UVRAG: variants seen among roughly 807,000 people sequenced by gnomAD.
UVRAG encodes the protein UV radiation resistance-associated gene protein.
A neutral mutation model predicts 78.0 loss-of-function variants in UVRAG; 19 were observed. That is an observed-to-expected ratio of 0.24 (90% confidence interval 0.17 to 0.36). The LOEUF (loss-of-function observed/expected upper bound fraction) is 0.36. Ranked by LOEUF, UVRAG falls within the 10% of genes least tolerant of loss-of-function variation. The probability of loss-of-function intolerance (pLI) is 1.00; values close to 1 mark genes in which losing one functional copy is unlikely to be tolerated. For missense variants in UVRAG, 740 were observed against 853.8 expected (o/e 0.87, Z 1.66); for synonymous variants, 323 against 324.6 (o/e 1.00, Z 0.05).
rs1043169666 is a variant in UVRAG, at chr11:75,840,139, C to CT, written c.118-11735dup. On this transcript the variant is annotated intron_variant, in intron 1 of 14. Transcript: ENST00000356136. Reference sequence around the variant, plus strand: ...GTGTTTCTTCATTGGTCTTATATTTCTTTTTTTTTAAATTTTGATCTTATG... The same window carrying CT: ...GTGTTTCTTCATTGGTCTTATATTTCTTTTTTTTTTAAATTTTGATCTTATG... Among the ~76,000 whole-genome samples, 9 of 151,074 alleles carry CT rather than the reference C, an allele frequency of 6.0e-5. No homozygotes were observed. The South Asian group carries it at 8.4e-4, about 14-fold the overall frequency.
In UVRAG at chr11:76,096,911, C is replaced by T. The variant is rs76637628; in HGVS notation, c.1306-19013C>T. Among the ~76,000 whole-genome samples, 273 of 152,294 alleles carry T rather than the reference C, an allele frequency of 1.8e-3. 8 individuals carry two copies. In the East Asian group the frequency reaches 0.05, roughly 28 times the overall value. Reference sequence around the variant, plus strand: ...GCTCCAAGGACCTCAAGGGCATCCTCGCCCAAACTGAGGCCTCCAGACATG... The same window carrying T: ...GCTCCAAGGACCTCAAGGGCATCCTTGCCCAAACTGAGGCCTCCAGACATG... On this transcript the variant is annotated intron_variant, in intron 13 of 14. Transcript: ENST00000356136.
chr11:76,059,136 C>T (rs1366186323), intron 12 of UVRAG, among the ~76,000 whole-genome samples: 1 of 152,168 alleles, frequency 6.6e-6, no homozygotes, highest in Non-Finnish European at 1.5e-5. Context: ...ATATTTGTGT[C>T]ATGCTTTACA....
rs530491268 is a variant in UVRAG, at chr11:76,061,487, C to T, written c.1227-4223C>T. ...GCAATAAATCTTGCTGCTGCTCGCTCTTTGGGTCCACACTGTGTTTATGAG... is the reference window on the plus strand; with the variant it reads ...GCAATAAATCTTGCTGCTGCTCGCTTTTTGGGTCCACACTGTGTTTATGAG... On this transcript the variant is annotated intron_variant, in intron 12 of 14. Coordinates refer to ENST00000356136, the MANE Select transcript of UVRAG (RefSeq NM_003369.4). Among the ~76,000 whole-genome samples the T allele has an allele frequency of 2.0e-5, 3 of 152,302 alleles. No homozygotes were observed. In the South Asian group the frequency reaches 6.2e-4, roughly 32 times the overall value.
intron 7 of UVRAG, among the ~76,000 whole-genome samples, chr11:75,963,034 G>A (rs566028965): frequency 1.3e-5 from 2 of 152,176 alleles, no homozygotes; most frequent in South Asian, 2.1e-4. Flanking sequence ...TGAACTGAAC[G>A]TGAACCTAGA....
intron 6 of UVRAG, among the ~76,000 whole-genome samples, chr11:75,923,469 T>C (rs1423969254): frequency 6.6e-6 from 1 of 152,214 alleles, no homozygotes; most frequent in African/African-American, 2.4e-5. Context: ...ATGATGATGA[T>C]AATAGCATTT....
At chr11:75,821,831 A>T (rs1945395648) in intron 1 of UVRAG, among the ~76,000 whole-genome samples, 1 of 151,304 alleles carries the variant, frequency 6.6e-6, no homozygotes, top group Non-Finnish European at 1.5e-5. Context: ...AATTAGTCTG[A>T]TGTTTTTTCT....
intron 13 of UVRAG, among the ~76,000 whole-genome samples, chr11:76,084,632 A>G (rs903953528): frequency 1.3e-5 from 2 of 152,142 alleles, no homozygotes; most frequent in Admixed American, 1.3e-4. Flanking sequence ...CTCAGAATAT[A>G]TATAGTGTTT....
At chr11:75,828,778 CACATATATAT>C (rs1945586671) in intron 1 of UVRAG, among the ~76,000 whole-genome samples, 4 of 79,370 alleles carry the variant, frequency 5.0e-5, no homozygotes, top group African/African-American at 2.5e-4. Context: ...TATATATACA[CACATATATAT>C]ATATATATAT....
chr11:75,866,364 T>TAAAC, intron 3 of UVRAG, among the ~76,000 whole-genome samples: 1 of 147,798 alleles, frequency 6.8e-6, no homozygotes, highest in African/African-American at 2.6e-5. Context: ...CTACAATAAA[T>TAAAC]AAATAAATAA....
At chr11:75,945,338 A>G (rs1335346010) in intron 6 of UVRAG, among the ~76,000 whole-genome samples, 2 of 152,126 alleles carry the variant, frequency 1.3e-5, no homozygotes, top group Non-Finnish European at 2.9e-5. Context: ...TCAGGAGCAC[A>G]GACACTACCA....
intron 1 of UVRAG, among the ~76,000 whole-genome samples, chr11:75,828,772 TA>T (rs1565333941): frequency 2.2e-4 from 25 of 111,176 alleles, no homozygotes; most frequent in African/African-American, 8.1e-4. Flanking sequence ...TATATATATA[TA>T]TACACACATA....
At chr11:75,975,253 G>C (rs1289811204) in intron 7 of UVRAG, among the ~76,000 whole-genome samples, 1 of 152,172 alleles carries the variant, frequency 6.6e-6, no homozygotes, top group Non-Finnish European at 1.5e-5. Context: ...GTACCATGCT[G>C]TTTTGGTTAC....
chr11:75,854,010 T>G (rs1590936251), intron 2 of UVRAG, among the ~76,000 whole-genome samples: 1 of 151,650 alleles, frequency 6.6e-6, no homozygotes, highest in Admixed American at 6.6e-5. Context: ...TGACCTCAGG[T>G]GATCCCACAC....
At chr11:75,954,124 G>A (rs1948752574) in intron 6 of UVRAG, among the ~76,000 whole-genome samples, 1 of 152,092 alleles carries the variant, frequency 6.6e-6, no homozygotes, top group East Asian at 1.9e-4. Flanking sequence ...CTCCTGTTGG[G>A]TTTGAAAGGG....
chr11:76,005,726 G>A (rs953279359), intron 9 of UVRAG, among the ~76,000 whole-genome samples: 34 of 152,336 alleles, frequency 2.2e-4, no homozygotes, highest in African/African-American at 7.0e-4. Flanking sequence ...GCTTCTGATC[G>A]ACCTGCTTTA....
intron 13 of UVRAG, among the ~76,000 whole-genome samples, chr11:76,093,197 C>G (rs1462339642): frequency 1.3e-5 from 2 of 151,932 alleles, no homozygotes; most frequent in African/African-American, 2.4e-5. Context: ...TGGTCTATAT[C>G]TCTATTTTGG....
At chr11:76,129,007 CA>C (rs1451896218) in intron 14 of UVRAG, among the ~76,000 whole-genome samples, 2 of 152,142 alleles carry the variant, frequency 1.3e-5, no homozygotes, top group African/African-American at 4.8e-5. Flanking sequence ...ACTATTACTG[CA>C]AACCAGGCAC....
chr11:75,838,334 G>A (rs1945830040), intron 1 of UVRAG, among the ~76,000 whole-genome samples: 1 of 151,720 alleles, frequency 6.6e-6, no homozygotes, highest in Non-Finnish European at 1.5e-5. Flanking sequence ...TAAATTTTAG[G>A]GTTTTTTTTG....
intron 8 of UVRAG, among the ~76,000 whole-genome samples, chr11:75,999,357 A>C (rs770149268): frequency 7.9e-5 from 12 of 151,940 alleles, no homozygotes; most frequent in Non-Finnish European, 1.8e-4. Flanking sequence ...TTGAAAGTAT[A>C]CTTTTTTCAG....
Sources: allele counts gnomAD v4.1 joint callset (sites outside exome capture counted in the v4.1 genomes callset), GRCh38; gene constraint gnomAD v4.1.1; transcripts MANE v1.5; gene names NCBI Gene and HGNC (gene_info 2026-07-23, HGNC 2026-07-21).